The following PCDHGA4 variants were observed in gnomAD, a reference collection of about 807,000 sequenced individuals.
The protein encoded by PCDHGA4 is protocadherin gamma subfamily A, 4, also known as protocadherin gamma-A4.
A neutral mutation model predicts 54.6 loss-of-function variants in PCDHGA4; 38 were observed. The observed-to-expected ratio is 0.70, with a 90% CI of 0.54 to 0.91. The LOEUF (loss-of-function observed/expected upper bound fraction) is 0.91. Ranked by LOEUF, PCDHGA4 falls within the 40% of genes least tolerant of loss-of-function variation. The probability of loss-of-function intolerance (pLI) is 0.00; values close to 1 mark genes in which losing one functional copy is unlikely to be tolerated. For missense variants in PCDHGA4, 1,298 were observed against 1,220.9 expected (o/e 1.06, Z -0.94); for synonymous variants, 511 against 512.9 (o/e 1.00, Z 0.05).
chr5:141,452,525 G>A (rs1227647193), intron 1 of PCDHGA4, among the ~76,000 whole-genome samples: 3 of 152,126 alleles, frequency 2.0e-5, no homozygotes, highest in Admixed American at 6.5e-5. Flanking sequence ...CCTCAAAATC[G>A]TGAGTTCATA....
At chr5:141,492,755 C>T (rs938918009) in intron 1 of PCDHGA4, among the ~76,000 whole-genome samples, 3 of 152,262 alleles carry the variant, frequency 2.0e-5, no homozygotes, top group African/African-American at 7.2e-5. Flanking sequence ...CGCGGCAGGG[C>T]TCCGCGTTGG....
At chr5:141,366,346 G>A in intron 1 of PCDHGA4, 1 of 1,613,932 alleles carries the variant, frequency 6.2e-7, no homozygotes, top group South Asian at 1.1e-5. Context: ...CTGACATCCT[G>A]GCTGACCTAG....
chr5:141,390,020 C>A, intron 1 of PCDHGA4: 2 of 1,614,048 alleles, frequency 1.2e-6, no homozygotes, highest in Non-Finnish European at 1.7e-6. Flanking sequence ...TTGCCTTGCG[C>A]CTGCGACGCT....
chr5:141,362,574 T>C, intron 1 of PCDHGA4: 3 of 1,605,712 alleles, frequency 1.9e-6, no homozygotes, highest in Non-Finnish European at 2.6e-6. Flanking sequence ...TTAATTAATT[T>C]ATTTTCACTT....
intron 1 of PCDHGA4, chr5:141,392,574 C>G (rs2092557177): frequency 2.2e-6 from 1 of 454,134 alleles, no homozygotes; most frequent in African/African-American, 2.0e-5. Flanking sequence ...CTATTTAGGA[C>G]TGTAAGCGCC....
At chr5:141,474,888 G>T (rs1349812637) in intron 1 of PCDHGA4, among the ~76,000 whole-genome samples, 1 of 152,176 alleles carries the variant, frequency 6.6e-6, no homozygotes, top group Non-Finnish European at 1.5e-5. Context: ...ACTCTTAGAG[G>T]TTCATTTCTT....
chr5:141,404,710 C>A (rs772390810), intron 1 of PCDHGA4: 1 of 1,614,014 alleles, frequency 6.2e-7, no homozygotes, highest in African/African-American at 1.3e-5. Flanking sequence ...AGCCTGGCTA[C>A]CTGGTGACCA....
Position 141,365,890 on chromosome 5 carries a change from C to T in PCDHGA4, c.2514+8269C>T, listed in dbSNP as rs780121604. On this transcript the variant is annotated intron_variant, in intron 1 of 3. Transcript: ENST00000571252. ...GTGTCCTGTATGCTCTGAGATCCTT[C>T]GACTATGAGCAGTTGAGAGACCTAC... The T allele has an allele frequency of 3.1e-6, 5 of 1,614,140 alleles. No individual in the cohort carries two copies. The Admixed American group carries it at 6.7e-5, about 22-fold the overall frequency.
In PCDHGA4 at chr5:141,422,062, A is replaced by G. The variant is rs776838280; in HGVS notation, c.2514+64441A>G. The G allele has an allele frequency of 1.2e-6, 2 of 1,612,022 alleles. No individual in the cohort carries two copies. The highest frequency in any genetic ancestry group is 2.7e-5 in the African/African-American group (2 of 74,802). ...AGACGAGGGAATCAACGGGGAAGTAATGTATTCATTTCGGAACATGGAAAG... is the reference window on the plus strand; with the variant it reads ...AGACGAGGGAATCAACGGGGAAGTAGTGTATTCATTTCGGAACATGGAAAG... On this transcript the variant is annotated intron_variant, in intron 1 of 3. Transcript: ENST00000571252.
chr5:141,399,751 G>C, intron 1 of PCDHGA4: 1 of 1,613,322 alleles, frequency 6.2e-7, no homozygotes, highest in South Asian at 1.1e-5. Context: ...CAGCGCAAAC[G>C]TGAGCCTGCG....
chr5:141,355,035 T>C lies in PCDHGA4; in HGVS notation c.-73T>C. 1 of 1,012,274 alleles carries C rather than the reference T, an allele frequency of 9.9e-7. No individual in the cohort carries two copies. Among genetic ancestry groups the C allele is most frequent in the Non-Finnish European group, 1.4e-6 (1 of 734,758 alleles). 62.7% of individuals were successfully genotyped at this position (1,012,274 alleles called of 1,614,324 possible). ...GAAATTTAATCAGAATCACAAGATT[T>C]CTGCAGCACAAAGCACTGGCTCTGG... On this transcript the variant is annotated 5_prime_UTR_variant, in exon 1 of 4. Transcript: ENST00000571252.
chr5:141,389,935 C>A, intron 1 of PCDHGA4: 1 of 1,614,084 alleles, frequency 6.2e-7, no homozygotes, highest in Non-Finnish European at 8.5e-7. Flanking sequence ...GACCTCCAGG[C>A]TGAGCTGCAG....
intron 1 of PCDHGA4, among the ~76,000 whole-genome samples, chr5:141,473,611 G>C (rs2099325261): frequency 6.6e-6 from 1 of 152,140 alleles, no homozygotes; most frequent in Non-Finnish European, 1.5e-5. Context: ...GCAAAGCAAA[G>C]GGAGGGAGGA....
intron 1 of PCDHGA4, chr5:141,391,305 T>TC (rs1349412285): frequency 6.6e-6 from 1 of 151,546 alleles, no homozygotes; most frequent in African/African-American, 2.4e-5. Flanking sequence ...GTCTTTCGAT[T>TC]CTTTTTTTTT....
rs867643623 is a variant in PCDHGA4, at chr5:141,362,000, G to T, written c.2514+4379G>T. On this transcript the variant is annotated intron_variant, in intron 1 of 3. Coordinates refer to ENST00000571252, the MANE Select transcript of PCDHGA4 (RefSeq NM_018917.4). ...CCCGGGCTCTTCAGCCTGGGGTTGCGCACGGGTGAGGTGCGCACAGCGCGT... is the reference window on the plus strand; with the variant it reads ...CCCGGGCTCTTCAGCCTGGGGTTGCTCACGGGTGAGGTGCGCACAGCGCGT... The T allele has an allele frequency of 6.2e-7, 1 of 1,603,372 alleles. No individual in the cohort carries two copies. Among genetic ancestry groups the T allele is most frequent in the African/African-American group, 1.3e-5 (1 of 74,752 alleles).
Position 141,489,866 on chromosome 5 carries a change from A to AGCTGGT in PCDHGA4, c.2515-4937_2515-4932dup. ...GATCGTGAAGCCCAGGCAAGACATC[A>AGCTGGT]GCTGGTGCTTACTGCTGTGGATGGG... On this transcript the variant is annotated intron_variant, in intron 1 of 3. Coordinates refer to ENST00000571252, the MANE Select transcript of PCDHGA4 (RefSeq NM_018917.4). The surrounding 1 kb of genome is among the most constrained non-coding windows in gnomAD (Gnocchi z 4.5). The AGCTGGT allele has an allele frequency of 1.2e-6, 2 of 1,614,220 alleles. No individual in the cohort carries two copies. The highest frequency in any genetic ancestry group is 1.7e-6 in the Non-Finnish European group (2 of 1,180,018).
chr5:141,419,443 C>T (rs1476796525), intron 1 of PCDHGA4: 2 of 1,613,080 alleles, frequency 1.2e-6, no homozygotes, highest in South Asian at 2.2e-5. Flanking sequence ...TGCGCACCTT[C>T]GAGCTCACGC....
chr5:141,415,915 TGC>T, intron 1 of PCDHGA4: 1 of 724,854 alleles, frequency 1.4e-6, no homozygotes, highest in Non-Finnish European at 1.9e-6. Flanking sequence ...CATACAGAAG[TGC>T]CTGTCAATTT....
At chr5:141,510,272 TAA>T (rs546154379) in intron 3 of PCDHGA4, among the ~76,000 whole-genome samples, 46 of 130,286 alleles carry the variant, frequency 3.5e-4, no homozygotes, top group South Asian at 5.0e-4. Context: ...GACTCCATCT[TAA>T]AAAAAAAAAA....
Sources: allele counts gnomAD v4.1 joint callset (sites outside exome capture counted in the v4.1 genomes callset), GRCh38; gene constraint gnomAD v4.1.1; non-coding constraint Gnocchi (gnomAD v3.1); transcripts MANE v1.5; gene names NCBI Gene and HGNC (gene_info 2026-07-23, HGNC 2026-07-21).